PLB1: variants seen among roughly 807,000 people sequenced by gnomAD.
PLB1 encodes phospholipase B1, membrane-associated.
PLB1 carries 242 observed loss-of-function variants against 227.4 expected under a neutral mutation model. The ratio of observed to expected loss-of-function variants is 1.06; its 90% CI spans 0.96 to 1.18. The LOEUF is 1.18. Ranked by LOEUF, PLB1 falls within the 50% of genes most tolerant of loss-of-function variation. The probability of loss-of-function intolerance (pLI) is 0.00; values close to 1 mark genes in which losing one functional copy is unlikely to be tolerated. For missense variants in PLB1, 1,858 were observed against 1,816.3 expected, an observed-to-expected ratio of 1.02 and a Z score of -0.42; for synonymous variants, 757 against 682.2, an observed-to-expected ratio of 1.11 and a Z score of -1.71.
At chr2:28,598,832 G>A (rs775610500) in intron 35 of PLB1, 72 bp downstream of exon 35, 395 of 1,333,966 alleles carry the variant, frequency 3.0e-4, no homozygotes, top group Non-Finnish European at 3.4e-4. Context: ...TTAAGACCAT[G>A]GGGCTGGCCT....
chr2:28,544,641 G>A (rs1364599113), intron 14 of PLB1, among the ~76,000 whole-genome samples: 1 of 152,210 alleles, frequency 6.6e-6, no homozygotes, highest in East Asian at 1.9e-4. Flanking sequence ...AGCCAGCAGT[G>A]TTGTGCTGGG....
chr2:28,628,553 T>A lies in PLB1; in HGVS notation c.3661-10T>A, dbSNP rs143911122. 7.4e-6 allele frequency: 12 copies of A among 1,613,810 alleles called. No individual in the cohort carries two copies. Among genetic ancestry groups the A allele is most frequent in the Non-Finnish European group, 9.3e-6 (11 of 1,179,832 alleles). On this transcript the variant is annotated splice_polypyrimidine_tract_variant and intron_variant, in intron 51 of 57. Transcript: ENST00000327757. ...CAGGGGCTAAAGAGAGTACCCTTTT[T>A]TCCTTACAGGAGGCCCACTTGGCCA...
chr2:28,517,668 CG>C (rs971741917), intron 2 of PLB1, among the ~76,000 whole-genome samples: 252 of 151,974 alleles, frequency 1.7e-3, no homozygotes, highest in African/African-American at 5.9e-3. Flanking sequence ...AAATATAAAA[CG>C]GGATTGATTA....
At position 28,525,326 on chromosome 2, in the gene PLB1, C is replaced by T; in HGVS notation, c.284+19C>T. 2 of 1,611,458 alleles carry T rather than the reference C, an allele frequency of 1.2e-6. No homozygotes were observed. The highest frequency in any genetic ancestry group is 1.7e-6 in the Non-Finnish European group (2 of 1,178,270). The stretch of plus-strand genomic sequence containing the variant: ...AAGACTGGTAACTATCCTGAAAACA[C>T]AGAAAACAGAAAGGAGCCCGGAGAT... On this transcript the variant is annotated intron_variant, in intron 5 of 57. Coordinates refer to ENST00000327757, the MANE Select transcript of PLB1 (RefSeq NM_153021.5).
At chr2:28,591,642 G>A (rs566114944) in intron 30 of PLB1, 58 bp from the exon 31 acceptor site, 42 of 1,554,948 alleles carry the variant, frequency 2.7e-5, no homozygotes, top group Non-Finnish European at 3.5e-5. Context: ...ACATCTGATA[G>A]CCAGTTTTTC....
In PLB1 at chr2:28,558,092, C is replaced by G. The variant is rs1003137999; in HGVS notation, c.1148-4949C>G. On this transcript the variant is annotated intron_variant, in intron 17 of 57. Coordinates refer to ENST00000327757, the MANE Select transcript of PLB1 (RefSeq NM_153021.5). ...CTTTCAGGGCGGTATGGCCATAGAC[C>G]AATCAGTCTATCTATACATATGTAT... Among the ~76,000 whole-genome samples the G allele has an allele frequency of 3.3e-5, 5 of 152,030 alleles. No individual in the cohort carries two copies. The South Asian group carries it at 1.0e-3, about 32-fold the overall frequency.
At chr2:28,582,009 T>G (rs1680107049) in intron 23 of PLB1, 59 bp from the exon 24 acceptor site, 1 of 1,501,992 alleles carries the variant, frequency 6.7e-7, no homozygotes, top group Admixed American at 1.7e-5. Flanking sequence ...AAAGTAGCCC[T>G]GTTCTGTAGA....
intron 20 of PLB1, among the ~76,000 whole-genome samples, chr2:28,568,035 G>C (rs938580731): frequency 6.6e-6 from 1 of 152,174 alleles, no homozygotes; most frequent in African/African-American, 2.4e-5. Flanking sequence ...GGACATCATA[G>C]CTTAATCTCC....
chr2:28,507,410 A>G (rs896554881), intron 1 of PLB1, among the ~76,000 whole-genome samples: 15 of 152,230 alleles, frequency 9.9e-5, no homozygotes, highest in African/African-American at 3.6e-4. Context: ...ACAGAAGGCA[A>G]AATGGCAAAT....
chr2:28,504,567 A>AC (rs1185715752), intron 1 of PLB1, among the ~76,000 whole-genome samples: 1 of 152,050 alleles, frequency 6.6e-6, no homozygotes, highest in Non-Finnish European at 1.5e-5. Flanking sequence ...ACATGGTGAA[A>AC]CCCCATCTCT....
Position 28,519,708 on chromosome 2 carries a change from A to G in PLB1, c.188A>G (p.His63Arg). 2 of 1,608,554 alleles carry G rather than the reference A, an allele frequency of 1.2e-6. No homozygotes were observed. Among genetic ancestry groups the G allele is most frequent in the African/African-American group, 1.3e-5 (1 of 74,772 alleles). Residue 63 changes from histidine (H) to arginine (R), a missense_variant, in exon 4 of 58, where the codon CAC becomes CGC. Transcript: ENST00000327757. Reference protein sequence around the residue: ...LGVNMPSKSVHSLKPSDIKFV... With the variant: ...LGVNMPSKSVRSLKPSDIKFV... ...ATATGGGTTCTTGTCTCCACAGTTC[A>G]CTCTCTGAAGCCTTCTGATATTAAA...
intron 57 of PLB1, 148 bp from the exon 58 acceptor site, chr2:28,642,710 C>T (rs1487962571): frequency 2.9e-6 from 2 of 701,384 alleles, no homozygotes; most frequent in African/African-American, 3.6e-5. Flanking sequence ...TGGGCACAGC[C>T]TAAATGAGGG....
At chr2:28,542,782 C>A (rs1442262832) in intron 13 of PLB1, among the ~76,000 whole-genome samples, 4 of 152,188 alleles carry the variant, frequency 2.6e-5, no homozygotes, top group African/African-American at 9.7e-5. Flanking sequence ...GGGAACAGTC[C>A]CTCCCTCCAG....
chr2:28,620,755 G>A, intron 48 of PLB1, 112 bp downstream of exon 48: 1 of 1,528,842 alleles, frequency 6.5e-7, no homozygotes, highest in Non-Finnish European at 9.1e-7. Context: ...AAGTCAGCCA[G>A]CCCTGAAAAG....
chr2:28,628,131 A>G (rs1447581700), intron 51 of PLB1, among the ~76,000 whole-genome samples: 1 of 152,156 alleles, frequency 6.6e-6, no homozygotes, highest in Non-Finnish European at 1.5e-5. Flanking sequence ...AAGTTAGGGG[A>G]ACACAGGAGA....
At chr2:28,588,864 G>A (rs1175221856) in intron 26 of PLB1, among the ~76,000 whole-genome samples, 2 of 152,242 alleles carry the variant, frequency 1.3e-5, no homozygotes, top group East Asian at 3.9e-4. Context: ...AATCAGAATA[G>A]CTTTAAAAGA....
chr2:28,562,724 C>T (rs924916037), intron 17 of PLB1, among the ~76,000 whole-genome samples: 1 of 151,930 alleles, frequency 6.6e-6, no homozygotes, highest in Non-Finnish European at 1.5e-5. Context: ...TGCCAAGGGC[C>T]TGCCACCACT....
At chr2:28,582,022 G>C (rs199666045) in intron 23 of PLB1, 46 bp from the exon 24 acceptor site, 1 of 1,552,168 alleles carries the variant, frequency 6.4e-7, no homozygotes. Context: ...TCTGTAGAGA[G>C]ATTAGGTGAC....
intron 26 of PLB1, among the ~76,000 whole-genome samples, chr2:28,586,996 G>A (rs972209569): frequency 2.0e-5 from 3 of 152,070 alleles, no homozygotes; most frequent in East Asian, 3.9e-4. Flanking sequence ...CAATCCACCC[G>A]CCTCAGCCTT....
Sources: allele counts gnomAD v4.1 joint callset (sites outside exome capture counted in the v4.1 genomes callset), GRCh38; gene constraint gnomAD v4.1.1; transcripts MANE v1.5; gene names NCBI Gene and HGNC (gene_info 2026-07-23, HGNC 2026-07-21).